The following ADCY5 variants were observed in gnomAD, a reference collection of about 807,000 sequenced individuals.
The protein encoded by ADCY5 is adenylate cyclase type 5.
A neutral mutation model predicts 119.7 loss-of-function variants in ADCY5; 30 were observed. That is an observed-to-expected ratio of 0.25 (90% CI 0.19 to 0.34). ADCY5 has a LOEUF of 0.34. Among genes scored for constraint, ADCY5 ranks in the 10% least tolerant of loss-of-function variants. The pLI is 1.00. For synonymous variants in ADCY5, 753 were observed against 762.2 expected (o/e 0.99, Z 0.20); for missense variants, 1,324 against 1,775.2 (o/e 0.75, Z 4.57).
In ADCY5 at chr3:123,304,188, G is replaced by A. The variant is rs112579242; in HGVS notation, c.2443-5C>T. On this transcript the variant is annotated splice_region_variant and splice_polypyrimidine_tract_variant and intron_variant, in intron 12 of 20. Transcript: ENST00000462833. ...CTGCAGTGGGGAGGGGAAGAGCTAG[G>A]GTGGGGGCAGGGGTGGAGAGGGAGG... is the stretch of plus-strand genomic sequence containing the variant. 6.6e-7 allele frequency: 1 copy of A among 1,508,074 alleles called. No individual in the cohort carries two copies. Among genetic ancestry groups the A allele is most frequent in the East Asian group, 2.3e-5 (1 of 44,016 alleles). The allele number at this position is 1,508,074 out of a possible 1,614,324, so 93.4% of individuals were successfully genotyped here.
chr3:123,287,778 C>T (rs929609963), intron 19 of ADCY5, among the ~76,000 whole-genome samples: 2 of 152,182 alleles, frequency 1.3e-5, no homozygotes, highest in Non-Finnish European at 2.9e-5. Flanking sequence ...CTTCTATTTC[C>T]CAAAGCCATG....
chr3:123,357,559 T>G (rs1459057324), intron 1 of ADCY5, among the ~76,000 whole-genome samples: 7 of 152,146 alleles, frequency 4.6e-5, no homozygotes, highest in Non-Finnish European at 1.0e-4. Flanking sequence ...TTAGGGTGCC[T>G]TGGTGTTCAT....
At position 123,291,208 on chromosome 3, in the gene ADCY5, C is replaced by T. The variant is rs750807988; in HGVS notation, c.3232G>A (p.Ala1078Thr). The change falls in exon 18 of 21, where the codon GCC becomes ACC. Residue 1078 changes from alanine to threonine, a missense_variant. This residue lies in a region of ADCY5 where 178 missense variants were observed against 329.6 expected (regional missense o/e 0.54). Coordinates refer to ENST00000462833, the MANE Select transcript of ADCY5 (RefSeq NM_183357.3). ...TCAACGTAGAACTCGGAGAAGTTGG[C>T]GATGGAGGCGAACATGACCGCCACA... is the stretch of plus-strand genomic sequence containing the variant. ...ECVAVMFASI[A>T]NFSEFYVELE... is the part of the protein sequence containing the mutation. The T allele has an allele frequency of 6.8e-6, 11 of 1,613,930 alleles. No homozygotes were observed. The Admixed American group carries it at 1.2e-4, about 17-fold the overall frequency.
Position 123,317,908 on chromosome 3 carries a change from G to C in ADCY5, c.2354+112C>G, listed in dbSNP as rs953198866. On this transcript the variant is annotated intron_variant, in intron 11 of 20. Coordinates refer to ENST00000462833, the MANE Select transcript of ADCY5 (RefSeq NM_183357.3). ...CACTCAGAAACTTCTCTCCGTGCCT[G>C]AGCAAGTGCAGGCCAGACTCCCTGC... The C allele has an allele frequency of 1.1e-5, 11 of 969,276 alleles. No individual in the cohort carries two copies. The East Asian group carries it at 2.6e-4, about 23-fold the overall frequency. 60.0% of individuals were successfully genotyped at this position (969,276 alleles called of 1,614,324 possible).
At chr3:123,386,930 G>A (rs556650232) in intron 1 of ADCY5, among the ~76,000 whole-genome samples, 2 of 152,214 alleles carry the variant, frequency 1.3e-5, no homozygotes, top group South Asian at 4.2e-4. Flanking sequence ...AGAGAAAGAC[G>A]ACAGCCAGAG....
chr3:123,322,462 G>A (rs1390043277), intron 8 of ADCY5, among the ~76,000 whole-genome samples: 1 of 152,142 alleles, frequency 6.6e-6, no homozygotes, highest in African/African-American at 2.4e-5. Context: ...GGTGTGGAGA[G>A]CTCAGCGCCA....
chr3:123,343,162 G>A (rs114974079), intron 3 of ADCY5, among the ~76,000 whole-genome samples: 7,073 of 152,292 alleles, frequency 0.046, 482 homozygotes, highest in African/African-American at 0.16. Flanking sequence ...GATAAACTCA[G>A]CTGACTAATT....
At chr3:123,403,107 C>T (rs966340705) in intron 1 of ADCY5, among the ~76,000 whole-genome samples, 3 of 151,344 alleles carry the variant, frequency 2.0e-5, no homozygotes, top group African/African-American at 7.3e-5. Flanking sequence ...TGGCCAGACA[C>T]GGTGGCTCAC....
chr3:123,382,542 A>C (rs1944065662), intron 1 of ADCY5, among the ~76,000 whole-genome samples: 1 of 152,266 alleles, frequency 6.6e-6, no homozygotes. Context: ...CAGATGAATG[A>C]ATAGATAAAA....
rs766925631 is a variant in ADCY5 at position 123,318,077 on chromosome 3, G to A, written c.2297C>T (p.Ala766Val). 9 of 1,613,852 alleles carry A rather than the reference G, an allele frequency of 5.6e-6. No homozygotes were observed. Among genetic ancestry groups the A allele is most frequent in the Non-Finnish European group, 5.9e-6 (7 of 1,179,928 alleles). Reference protein sequence around the residue: ...QVDDRFGAYVACASLVFLFIC... With the variant: ...QVDDRFGAYVVCASLVFLFIC... ...GAAGAGGAAGACGAGCGAGGCACAC[G>A]CCACATAGGCACCAAATCGGTCGTC... The change falls in exon 11 of 21, where the codon GCG becomes GTG. Residue 766 changes from alanine to valine, a missense_variant. By Grantham distance (64) the Ala-to-Val change is moderately conservative (BLOSUM62 0). Coordinates refer to ENST00000462833, the MANE Select transcript of ADCY5 (RefSeq NM_183357.3).
intron 3 of ADCY5, among the ~76,000 whole-genome samples, chr3:123,333,487 C>T (rs531368647): frequency 3.3e-5 from 5 of 152,368 alleles, no homozygotes; most frequent in African/African-American, 1.2e-4. Context: ...GGGGGCTCCA[C>T]GCGGCTGCTG....
intron 1 of ADCY5, among the ~76,000 whole-genome samples, chr3:123,422,452 T>C (rs1170725281): frequency 6.6e-6 from 1 of 152,200 alleles, no homozygotes; most frequent in Non-Finnish European, 1.5e-5. Context: ...CTCCAAGTGC[T>C]AGATGGAGAC....
chr3:123,448,877 A>C lies in ADCY5; in HGVS notation c.-332T>G. The C allele has an allele frequency of 1.0e-4, 23 of 227,824 alleles. No homozygotes were observed. The highest frequency in any genetic ancestry group is 1.6e-4 in the East Asian group (2 of 12,190). The allele number at this position is 227,824 out of a possible 1,614,324, so 14.1% of individuals were successfully genotyped here. ...GGGATCCTGGCTCGCGTCGAGCTCGACGAGGGCCGGAGTTGCGGACGAGAC... is the reference window on the plus strand; with the variant it reads ...GGGATCCTGGCTCGCGTCGAGCTCGCCGAGGGCCGGAGTTGCGGACGAGAC... On this transcript the variant is annotated 5_prime_UTR_variant, in exon 1 of 21. Coordinates refer to ENST00000462833, the MANE Select transcript of ADCY5 (RefSeq NM_183357.3).
At position 123,368,707 on chromosome 3, in the gene ADCY5, G is replaced by T. The variant is rs181190539; in HGVS notation, c.1135-16126C>A. Among the ~76,000 whole-genome samples the T allele has an allele frequency of 3.5e-4, 53 of 151,314 alleles. 1 individual carries two copies. In the East Asian group the frequency reaches 8.5e-3, roughly 24 times the overall value. On this transcript the variant is annotated intron_variant, in intron 1 of 20. Coordinates refer to ENST00000462833, the MANE Select transcript of ADCY5 (RefSeq NM_183357.3). ...GCAGAGGTTGCAGTGAGTTTAGATGGTGCCACTGCACTCCAGCGTGGGTGA... is the reference window on the plus strand; with the variant it reads ...GCAGAGGTTGCAGTGAGTTTAGATGTTGCCACTGCACTCCAGCGTGGGTGA...
At chr3:123,302,719 G>A (rs994503084) in intron 14 of ADCY5, among the ~76,000 whole-genome samples, 8 of 152,184 alleles carry the variant, frequency 5.3e-5, no homozygotes, top group African/African-American at 1.4e-4. Context: ...CAGGTTCTTC[G>A]TCTCTACAAA....
intron 1 of ADCY5, among the ~76,000 whole-genome samples, chr3:123,436,717 A>G (rs181406218): frequency 3.8e-4 from 58 of 152,248 alleles, no homozygotes; most frequent in Admixed American, 3.3e-3. Flanking sequence ...AAAAATAATA[A>G]TAATAATAAA....
At chr3:123,363,090 C>T (rs1362939906) in intron 1 of ADCY5, among the ~76,000 whole-genome samples, 3 of 146,072 alleles carry the variant, frequency 2.1e-5, no homozygotes. Flanking sequence ...TTGCAGTGAG[C>T]CGAGATCACA....
In ADCY5 at chr3:123,422,152, G is replaced by C. The variant is rs111645777; in HGVS notation, c.1134+25260C>G. On this transcript the variant is annotated intron_variant, in intron 1 of 20. Transcript: ENST00000462833. ...CTCCTGGGCAGAGGGGCACTTGAAG[G>C]GTTCTGCTCAGCTCCTAATGCTGCC... Among the ~76,000 whole-genome samples, 13 of 152,334 alleles carry C rather than the reference G, an allele frequency of 8.5e-5. 3 individuals carry two copies. The highest frequency in any genetic ancestry group is 3.9e-4 in the Admixed American group (6 of 15,306).
intron 1 of ADCY5, among the ~76,000 whole-genome samples, chr3:123,393,398 T>A (rs1474263218): frequency 6.6e-6 from 1 of 151,308 alleles, no homozygotes; most frequent in Non-Finnish European, 1.5e-5. Flanking sequence ...TAAAAAAAAA[T>A]TCTAAAAATT....
Sources: gnomAD v4.1 joint callset for allele counts (sites outside exome capture counted in the v4.1 genomes callset) on GRCh38, gnomAD v4.1.1 for gene constraint, gnomAD v4.1.1 regional missense constraint, MANE v1.5 for transcripts, NCBI Gene and HGNC (gene_info 2026-07-23, HGNC 2026-07-21) for gene names.